Variants in TCF7L2 observed in about 807,000 individuals in gnomAD.
TCF7L2 encodes the protein transcription factor 7 like 2.
TCF7L2 carries 23 observed loss-of-function variants against 77.9 expected under a neutral mutation model. The ratio of observed to expected loss-of-function variants is 0.30; its 90% CI spans 0.21 to 0.42. TCF7L2 has a LOEUF of 0.42. TCF7L2 is among the 10% of genes least tolerant of loss of function. The pLI is 1.00. For missense variants in TCF7L2, 654 were observed against 793.1 expected (o/e 0.82, Z 2.11); for synonymous variants, 413 against 340.2 (o/e 1.21, Z -2.36).
chr10:113,048,290 G>T (rs2053807782), intron 5 of TCF7L2, among the ~76,000 whole-genome samples: 1 of 152,146 alleles, frequency 6.6e-6, no homozygotes, highest in Non-Finnish European at 1.5e-5. Context: ...CACCCAGCCT[G>T]TCCTGCTTGT....
intron 4 of TCF7L2, among the ~76,000 whole-genome samples, chr10:113,026,864 G>A (rs1590677959): frequency 1.3e-5 from 2 of 152,266 alleles, no homozygotes; most frequent in South Asian, 2.1e-4. Context: ...TTTTGGGGAG[G>A]GAATACCCAA....
intron 5 of TCF7L2, among the ~76,000 whole-genome samples, chr10:113,067,771 T>C (rs1305511055): frequency 2.6e-5 from 4 of 152,170 alleles, no homozygotes; most frequent in Admixed American, 1.3e-4. Flanking sequence ...TGAACATTTT[T>C]TTTTTTTAAG....
At chr10:113,161,805 G>T (rs914981725) in intron 13 of TCF7L2, among the ~76,000 whole-genome samples, 1 of 152,124 alleles carries the variant, frequency 6.6e-6, no homozygotes, top group Non-Finnish European at 1.5e-5. Flanking sequence ...GAAGTGCCTC[G>T]TGTTGACCCC....
intron 3 of TCF7L2, among the ~76,000 whole-genome samples, chr10:112,955,905 T>A (rs1009459255): frequency 5.9e-5 from 9 of 151,974 alleles, no homozygotes; most frequent in Non-Finnish European, 1.3e-4. Context: ...CTTTTAAAGA[T>A]TACAGTAGAA....
intron 4 of TCF7L2, among the ~76,000 whole-genome samples, chr10:113,007,885 T>A (rs1452752935): frequency 6.6e-6 from 1 of 152,204 alleles, no homozygotes; most frequent in Non-Finnish European, 1.5e-5. Flanking sequence ...TGGCGTGGTG[T>A]CTCTGTGCCC....
intron 5 of TCF7L2, chr10:113,129,528 A>G: frequency 9.9e-7 from 1 of 1,010,626 alleles, no homozygotes; most frequent in Non-Finnish European, 1.2e-6. Flanking sequence ...CAACCAGCTG[A>G]ACTCTAGATT....
At chr10:113,126,813 C>T (rs1471407449) in intron 5 of TCF7L2, 42 of 986,424 alleles carry the variant, frequency 4.3e-5, no homozygotes, top group Non-Finnish European at 4.2e-5. Flanking sequence ...CCCTGGGCAG[C>T]ATCTGGGCGC....
chr10:113,027,889 G>C (rs193275817), intron 4 of TCF7L2, among the ~76,000 whole-genome samples: 1 of 152,182 alleles, frequency 6.6e-6, no homozygotes, highest in East Asian at 1.9e-4. Context: ...CCCATGGAAC[G>C]TGAAGAAGGA....
intron 3 of TCF7L2, among the ~76,000 whole-genome samples, chr10:112,957,699 G>T (rs1564708289): frequency 6.6e-6 from 1 of 152,096 alleles, no homozygotes; most frequent in East Asian, 1.9e-4. Flanking sequence ...GATGGGCTGC[G>T]ATCCCTTCAT....
intron 3 of TCF7L2, among the ~76,000 whole-genome samples, chr10:112,963,636 G>C (rs2035844704): frequency 6.6e-6 from 1 of 152,218 alleles, no homozygotes; most frequent in Non-Finnish European, 1.5e-5. Flanking sequence ...TGTTTATAAA[G>C]TAAATCAGCA....
chr10:112,976,648 T>A (rs1215711644), intron 4 of TCF7L2, among the ~76,000 whole-genome samples: 1 of 152,194 alleles, frequency 6.6e-6, no homozygotes, highest in African/African-American at 2.4e-5. Context: ...TTGGGGTAGG[T>A]GTATATTAGA....
chr10:112,953,839 G>A (rs1318672571), intron 3 of TCF7L2, among the ~76,000 whole-genome samples: 1 of 152,190 alleles, frequency 6.6e-6, no homozygotes, highest in African/African-American at 2.4e-5. Context: ...CGGGTGGCCT[G>A]GTGCTGTGAC....
chr10:112,989,542 ACATGCT>A (rs1220772365), intron 4 of TCF7L2, among the ~76,000 whole-genome samples: 1 of 152,104 alleles, frequency 6.6e-6, no homozygotes, highest in Non-Finnish European at 1.5e-5. Context: ...TGTTTCACTG[ACATGCT>A]CATGAGAGTT....
intron 5 of TCF7L2, among the ~76,000 whole-genome samples, chr10:113,065,370 G>A (rs2057111908): frequency 6.6e-6 from 1 of 152,240 alleles, no homozygotes; most frequent in Non-Finnish European, 1.5e-5. Flanking sequence ...TGCAGATGGA[G>A]ACTTTGTTCC....
intron 5 of TCF7L2, among the ~76,000 whole-genome samples, chr10:113,045,809 ACT>A (rs2053344042): frequency 6.6e-6 from 1 of 152,024 alleles, no homozygotes; most frequent in Non-Finnish European, 1.5e-5. Flanking sequence ...ACTCAGCCAG[ACT>A]CTCTAAAAGA....
chr10:113,030,003 G>C (rs961826272), intron 4 of TCF7L2, among the ~76,000 whole-genome samples: 2 of 152,230 alleles, frequency 1.3e-5, no homozygotes, highest in East Asian at 3.9e-4. Context: ...TTACAAGATT[G>C]TACAAACATA....
intron 3 of TCF7L2, among the ~76,000 whole-genome samples, chr10:112,962,193 T>G (rs1267719745): frequency 6.6e-6 from 1 of 152,176 alleles, no homozygotes; most frequent in African/African-American, 2.4e-5. Flanking sequence ...TCCACTCAAT[T>G]TTAATTGACA....
At chr10:112,992,118 G>A (rs1235124690) in intron 4 of TCF7L2, among the ~76,000 whole-genome samples, 1 of 152,162 alleles carries the variant, frequency 6.6e-6, no homozygotes, top group African/African-American at 2.4e-5. Context: ...ACTCCAGGCG[G>A]CCTGTTGGTC....
In TCF7L2 at chr10:113,151,912, C is replaced by CG. The variant is rs762638142; in HGVS notation, c.1161+34dup. On this transcript the variant is annotated intron_variant, in intron 10 of 13. Coordinates refer to ENST00000627217, the MANE Select transcript of TCF7L2 (RefSeq NM_001146274.2). The surrounding 1 kb of genome is among the most constrained non-coding windows in gnomAD (Gnocchi z 5.2). The stretch of plus-strand genomic sequence containing the variant: ...AGGTGACGCCCTTCTCAGGGAGAAG[C>CG]GGGGGGCGGGTGGTGAGGGACCAGA... 5.4e-5 allele frequency: 69 copies of CG among 1,285,756 alleles called. 1 individual carries two copies. The East Asian group carries it at 2.1e-3, about 40-fold the overall frequency. 79.6% of individuals were successfully genotyped at this position (1,285,756 alleles called of 1,614,324 possible).
Sources: gnomAD v4.1 joint callset for allele counts (sites outside exome capture counted in the v4.1 genomes callset) on GRCh38, gnomAD v4.1.1 for gene constraint, Gnocchi (gnomAD v3.1) non-coding constraint, MANE v1.5 for transcripts, NCBI Gene and HGNC (gene_info 2026-07-23, HGNC 2026-07-21) for gene names.